Variants in ZNF33B observed in about 807,000 individuals in gnomAD.
ZNF33B encodes zinc finger protein 11b (KOX 2).
In ZNF33B, 29 loss-of-function variants were observed where a neutral mutation model predicts 45.8. The ratio of observed to expected loss-of-function variants is 0.63; its 90% CI spans 0.47 to 0.86. The LOEUF (loss-of-function observed/expected upper bound fraction) is 0.86. Among genes scored for constraint, ZNF33B ranks in the 40% least tolerant of loss-of-function variants. The pLI, the probability that ZNF33B is intolerant of heterozygous loss-of-function variation, is 0.00. For missense variants in ZNF33B, 831 were observed against 909.9 expected (o/e 0.91, Z 1.12); for synonymous variants, 305 against 307.8 (o/e 0.99, Z 0.10).
intron 2 of ZNF33B, among the ~76,000 whole-genome samples, chr10:42,633,922 T>C (rs1435555366): frequency 6.6e-6 from 1 of 150,608 alleles, no homozygotes; most frequent in Non-Finnish European, 1.5e-5. Flanking sequence ...TCAGCCGAGG[T>C]CGGCACCACT....
At chr10:42,638,234 C>G (rs1378476015) in intron 1 of ZNF33B, among the ~76,000 whole-genome samples, 1 of 152,260 alleles carries the variant, frequency 6.6e-6, no homozygotes, top group Admixed American at 6.5e-5. Context: ...AGCGCACATG[C>G]CCTCCTCCGC....
At chr10:42,613,036 C>T (rs1838166185) in intron 4 of ZNF33B, among the ~76,000 whole-genome samples, 1 of 152,056 alleles carries the variant, frequency 6.6e-6, no homozygotes, top group African/African-American at 2.4e-5. Context: ...AATTGCATTA[C>T]AAATGCAAAA....
At position 42,593,419 on chromosome 10, in the gene ZNF33B, C is replaced by A; in HGVS notation, c.1531G>T (p.Val511Leu). 3 of 1,613,934 alleles carry A rather than the reference C, an allele frequency of 1.9e-6. No homozygotes were observed. Among genetic ancestry groups the A allele is most frequent in the Non-Finnish European group, 1.7e-6 (2 of 1,179,958 alleles). The change falls in exon 5 of 5, where the codon GTA becomes TTA. Residue 511 changes from valine to leucine, a missense_variant. Transcript: ENST00000359467. ...ACGKTFYHKS[V>L]LTRHQIIHTG... ...TGAATTATCTGATGCCTGGTGAGTA[C>A]TGACTTGTGGTAGAAAGTTTTCCCA...
chr10:42,636,122 T>G (rs1248435576), intron 2 of ZNF33B, among the ~76,000 whole-genome samples: 6 of 151,972 alleles, frequency 3.9e-5, no homozygotes, highest in Non-Finnish European at 8.8e-5. Flanking sequence ...AGCGAGACTC[T>G]GTCTCAAAAA....
chr10:42,636,818 A>T (rs1839325707), intron 2 of ZNF33B, 102 bp downstream of exon 2: 2 of 1,526,382 alleles, frequency 1.3e-6, no homozygotes, highest in Admixed American at 3.4e-5. Context: ...ACAGAGCGAG[A>T]CTCCATGTCA....
At chr10:42,601,468 G>GTTTTTTTTTTTTTTTTTTTTTTTT (rs57196690) in intron 4 of ZNF33B, among the ~76,000 whole-genome samples, 1 of 79,444 alleles carries the variant, frequency 1.3e-5, no homozygotes, top group Non-Finnish European at 2.3e-5. Flanking sequence ...ACATGGGCTT[G>GTTTTTTTTTTTTTTTTTTTTTTTT]TTTTTTTTTT....
At chr10:42,600,939 T>G (rs1192735733) in intron 4 of ZNF33B, among the ~76,000 whole-genome samples, 1 of 152,170 alleles carries the variant, frequency 6.6e-6, no homozygotes, top group Non-Finnish European at 1.5e-5. Context: ...CCTGAGTAGA[T>G]CCAGATTTCC....
intron 4 of ZNF33B, among the ~76,000 whole-genome samples, chr10:42,601,454 G>GC (rs1484719179): frequency 6.7e-6 from 1 of 148,250 alleles, no homozygotes; most frequent in African/African-American, 2.5e-5. Flanking sequence ...TTCTCCTAAA[G>GC]CTCACATGGG....
intron 2 of ZNF33B, among the ~76,000 whole-genome samples, chr10:42,635,893 G>A (rs1296611947): frequency 6.6e-6 from 1 of 151,982 alleles, no homozygotes. Context: ...CACTTTGGGA[G>A]GCCGAGGAGG....
intron 1 of ZNF33B, 126 bp downstream of exon 1, chr10:42,638,348 C>A: frequency 3.2e-6 from 1 of 314,200 alleles, no homozygotes; most frequent in South Asian, 2.7e-5. Flanking sequence ...TGCAGCCCCG[C>A]CGTCCCCGGC....
Position 42,592,745 on chromosome 10 carries a change from G to C in ZNF33B, c.2205C>G (p.Asp735Glu), listed in dbSNP as rs1180589999. ...TATGTGATCTCTGATGTTTAGCAAGGTCTGATTTACGGTAAAAGATTTTTC... is the reference window on the plus strand; with the variant it reads ...TATGTGATCTCTGATGTTTAGCAAGCTCTGATTTACGGTAAAAGATTTTTC... ...ECGKIFYRKS[D>E]LAKHQRSHTG... The change falls in exon 5 of 5, where the codon GAC becomes GAG. Residue 735 changes from aspartate (D) to glutamate (E), a missense_variant. Asp to Glu is a conservative substitution (Grantham distance 45). Transcript: ENST00000359467. 1 of 1,613,922 alleles carries C rather than the reference G, an allele frequency of 6.2e-7. No individual in the cohort carries two copies. Among genetic ancestry groups the C allele is most frequent in the Non-Finnish European group, 8.5e-7 (1 of 1,179,982 alleles).
chr10:42,588,016 A>C (rs1836971037), downstream of ZNF33B, among the ~76,000 whole-genome samples: 1 of 152,194 alleles, frequency 6.6e-6, no homozygotes, highest in African/African-American at 2.4e-5. Context: ...ACAATAGGCC[A>C]TCTGCATGCA....
At chr10:42,600,779 G>A (rs540422882) in intron 4 of ZNF33B, among the ~76,000 whole-genome samples, 1 of 152,242 alleles carries the variant, frequency 6.6e-6, no homozygotes, top group African/African-American at 2.4e-5. Context: ...TTCAGGCTGT[G>A]ATTGTCATGT....
Position 42,592,499 on chromosome 10 carries a change from G to T in ZNF33B, c.*114C>A. The T allele has an allele frequency of 7.2e-7, 1 of 1,389,452 alleles. No individual in the cohort carries two copies. The highest frequency in any genetic ancestry group is 1.4e-5 in the South Asian group (1 of 71,186). 86.1% of individuals were successfully genotyped at this position (1,389,452 alleles called of 1,614,324 possible). On this transcript the variant is annotated 3_prime_UTR_variant, in exon 5 of 5. Transcript: ENST00000359467. ...CTGTTACTTTGGAGTAACATAAGGC[G>T]AGTTTGTGGATAGTTATTGAACATT...
intron 4 of ZNF33B, among the ~76,000 whole-genome samples, chr10:42,615,307 T>C (rs1838267839): frequency 1.3e-5 from 2 of 152,156 alleles, no homozygotes; most frequent in South Asian, 2.1e-4. Flanking sequence ...AGTCAAGAAG[T>C]AGAACTAAAA....
chr10:42,584,813 G>A (rs1589012347), downstream of ZNF33B, among the ~76,000 whole-genome samples: 1 of 152,294 alleles, frequency 6.6e-6, no homozygotes, highest in African/African-American at 2.4e-5. Context: ...GAGCCATTGT[G>A]CCTGGCCTCA....
intron 4 of ZNF33B, among the ~76,000 whole-genome samples, chr10:42,608,419 A>G (rs1837955307): frequency 1.3e-5 from 2 of 152,212 alleles, no homozygotes; most frequent in Admixed American, 1.3e-4. Flanking sequence ...AAAAGTACAC[A>G]TGAAACATTC....
chr10:42,580,770 T>C (rs1239282220), intron 1 of ZNF33B, among the ~76,000 whole-genome samples: 1 of 151,268 alleles, frequency 6.6e-6, no homozygotes, highest in African/African-American at 2.4e-5. Context: ...AACACAAAAA[T>C]TACCCAGGTA....
At chr10:42,584,091 G>T (rs2132017269) in intron 1 of ZNF33B, among the ~76,000 whole-genome samples, 1 of 152,348 alleles carries the variant, frequency 6.6e-6, no homozygotes, top group Non-Finnish European at 1.5e-5. Context: ...GCAGGTCTGT[G>T]GAGGCTGTGT....
Sources: allele counts gnomAD v4.1 joint callset (sites outside exome capture counted in the v4.1 genomes callset), GRCh38; gene constraint gnomAD v4.1.1; transcripts MANE v1.5; gene names NCBI Gene and HGNC (gene_info 2026-07-23, HGNC 2026-07-21).